Variants in CD47 observed in about 807,000 individuals in gnomAD.
CD47 encodes leukocyte surface antigen CD47.
Under a neutral mutation model 44.6 loss-of-function variants are expected in CD47, and 11 were observed. The ratio of observed to expected loss-of-function variants is 0.25; its 90% confidence interval spans 0.16 to 0.41. The LOEUF (loss-of-function observed/expected upper bound fraction) is 0.41, where lower values mean the gene tolerates loss of function less well. Among genes scored for constraint, CD47 ranks in the 10% least tolerant of loss-of-function variants. The probability of loss-of-function intolerance (pLI) is 1.00; values close to 1 mark genes in which losing one functional copy is unlikely to be tolerated. For synonymous variants in CD47, 140 were observed against 136.3 expected, an observed-to-expected ratio of 1.03 and a Z score of -0.19; for missense variants, 306 against 386.7, an observed-to-expected ratio of 0.79 and a Z score of 1.75.
At chr3:108,049,134 CTCT>C (rs2078778218) in intron 10 of CD47, among the ~76,000 whole-genome samples, 1 of 126,492 alleles carries the variant, frequency 7.9e-6, no homozygotes, top group Non-Finnish European at 1.7e-5. Context: ...CTCTCTCTCT[CTCT>C]CTCTCTCAAC....
chr3:108,048,385 T>G lies in CD47; in HGVS notation c.968-1093A>C, dbSNP rs1000705912. Among the ~76,000 whole-genome samples the G allele has an allele frequency of 3.3e-3, 454 of 139,616 alleles. 4 individuals are homozygous for G. The highest frequency in any genetic ancestry group is 9.1e-3 in the African/African-American group (336 of 37,032). The allele number at this position is 139,616 out of a possible 152,430, so 91.6% of individuals were successfully genotyped here. A position where few individuals can be genotyped will look rare whatever the true frequency, so the allele number is the denominator to read the frequency against. On this transcript the variant is annotated intron_variant, in intron 10 of 10. Coordinates refer to ENST00000361309, the MANE Select transcript of CD47 (RefSeq NM_001777.4). Reference sequence around the variant, plus strand: ...ATGACTGGAGTGTTTTTTTTTTTTTTTTTTTTTTTTTTTTCTTGAGACGGA... The same window carrying G: ...ATGACTGGAGTGTTTTTTTTTTTTTGTTTTTTTTTTTTTTCTTGAGACGGA...
At chr3:108,068,313 G>A (rs1202461215) in intron 3 of CD47, among the ~76,000 whole-genome samples, 4 of 152,064 alleles carry the variant, frequency 2.6e-5, no homozygotes, top group Admixed American at 6.6e-5. Flanking sequence ...ACATACATTC[G>A]TGTCTCCCTG....
In CD47 at chr3:108,047,201, AATC is replaced by A. The variant is rs1315017379; in HGVS notation, c.*84_*86del. 2.6e-4 allele frequency: 283 copies of A among 1,073,818 alleles called. No homozygotes were observed. The highest frequency in any genetic ancestry group is 1.4e-4 in the Non-Finnish European group (100 of 713,112). The allele number at this position is 1,073,818 out of a possible 1,614,324, so 66.5% of individuals were successfully genotyped here. A position where few individuals can be genotyped will look rare whatever the true frequency, so the allele number is the denominator to read the frequency against. ...TTCTTGTTTCTTCTCCCCAACAGTG[AATC>A]ATCAAGGCCATGGTGCTTAAACACA... is the stretch of plus-strand genomic sequence containing the variant. On this transcript the variant is annotated 3_prime_UTR_variant, in exon 11 of 11. Transcript: ENST00000361309.
intron 6 of CD47, among the ~76,000 whole-genome samples, chr3:108,058,030 T>A (rs536345621): frequency 1.3e-5 from 2 of 152,284 alleles, no homozygotes; most frequent in African/African-American, 4.8e-5. Flanking sequence ...TCTTATTTAT[T>A]GGTGGTGATA....
intron 1 of CD47, among the ~76,000 whole-genome samples, chr3:108,086,433 G>A (rs974218184): frequency 6.6e-6 from 1 of 152,006 alleles, no homozygotes. Flanking sequence ...GATAAAGAGG[G>A]GAAAATTAAA....
intron 2 of CD47, among the ~76,000 whole-genome samples, chr3:108,075,441 A>G (rs2079292659): frequency 6.6e-6 from 1 of 152,176 alleles, no homozygotes; most frequent in Admixed American, 6.5e-5. Context: ...AGGGAACACC[A>G]GGTTACACAC....
At chr3:108,053,651 C>T (rs1248755984) in intron 7 of CD47, 1 of 152,246 alleles carries the variant, frequency 6.6e-6, no homozygotes, top group Non-Finnish European at 1.5e-5. Flanking sequence ...GGAATGGATC[C>T]TTCCAATTCC....
chr3:108,074,316 T>A (rs1284424126), intron 2 of CD47, among the ~76,000 whole-genome samples: 1 of 149,318 alleles, frequency 6.7e-6, no homozygotes, highest in Non-Finnish European at 1.5e-5. Flanking sequence ...TAAGTGATTC[T>A]TTTTTTTTTA....
At chr3:108,075,864 G>C (rs2079301335) in intron 2 of CD47, among the ~76,000 whole-genome samples, 1 of 152,234 alleles carries the variant, frequency 6.6e-6, no homozygotes, top group Admixed American at 6.5e-5. Context: ...CTCAATATGT[G>C]AGAGGGATTC....
chr3:108,089,720 C>A (rs1465659491), intron 1 of CD47, among the ~76,000 whole-genome samples: 1 of 152,052 alleles, frequency 6.6e-6, no homozygotes, highest in African/African-American at 2.4e-5. Context: ...GACTTAAGGG[C>A]ATCTTGGAAA....
intron 3 of CD47, among the ~76,000 whole-genome samples, chr3:108,069,288 T>G (rs545753113): frequency 3.9e-5 from 6 of 152,198 alleles, no homozygotes; most frequent in African/African-American, 4.8e-5. Flanking sequence ...TTAAGTAAAT[T>G]ATAGTGCATC....
chr3:108,083,027 C>A (rs2108269540), intron 1 of CD47, among the ~76,000 whole-genome samples: 1 of 152,080 alleles, frequency 6.6e-6, no homozygotes, highest in Middle Eastern at 3.4e-3. Context: ...TTTGCCTACT[C>A]CCTTCTCATA....
At chr3:108,058,223 TAAA>T in intron 6 of CD47, 111 bp downstream of exon 6, 1 of 483,706 alleles carries the variant, frequency 2.1e-6, no homozygotes, top group Non-Finnish European at 3.4e-6. Flanking sequence ...AAAACTGCAC[TAAA>T]AAAAAAAATC....
rs1445729334 is a variant in CD47 at position 108,045,026 on chromosome 3, A to G, written c.*2262T>C. On this transcript the variant is annotated 3_prime_UTR_variant, in exon 11 of 11. Coordinates refer to ENST00000361309, the MANE Select transcript of CD47 (RefSeq NM_001777.4). ...AGAAGGAACTGGCCCAATGATGCCC[A>G]AGCAGGAGGACTCCTGCTTCTGTGG... is the stretch of plus-strand genomic sequence containing the variant. 1 of 152,644 alleles carries G rather than the reference A, an allele frequency of 6.6e-6. No homozygotes were observed. Among genetic ancestry groups the G allele is most frequent in the Admixed American group, 6.5e-5 (1 of 15,280 alleles). The allele number at this position is 152,644 out of a possible 1,614,324, so 9.5% of individuals were successfully genotyped here. A position where few individuals can be genotyped will look rare whatever the true frequency, so the allele number is the denominator to read the frequency against.
chr3:108,067,800 G>C (rs1211842758), intron 3 of CD47, among the ~76,000 whole-genome samples: 2 of 152,196 alleles, frequency 1.3e-5, no homozygotes, highest in Non-Finnish European at 2.9e-5. Context: ...AGTGCTGGCT[G>C]GGCTCTGGGA....
At chr3:108,068,509 A>G (rs2079142195) in intron 3 of CD47, among the ~76,000 whole-genome samples, 1 of 152,202 alleles carries the variant, frequency 6.6e-6, no homozygotes. Context: ...GTGCTTAGAT[A>G]TAGGTTCACC....
At chr3:108,079,522 GGGAGCATGGCTGGGAC>G in intron 2 of CD47, among the ~76,000 whole-genome samples, 1 of 146,636 alleles carries the variant, frequency 6.8e-6, no homozygotes, top group East Asian at 2.1e-4. Flanking sequence ...TCTCTCCAGA[GGGAGCATGGCTGGGAC>G]TTGTCATCCC....
intron 7 of CD47, chr3:108,052,895 G>C (rs2108224542): frequency 6.6e-6 from 1 of 152,612 alleles, no homozygotes; most frequent in East Asian, 1.9e-4. Flanking sequence ...CTCGTCCTGG[G>C]AGGCAGAGGC....
At chr3:108,047,437 G>C in intron 10 of CD47, 145 bp from the exon 11 acceptor site, 1 of 480,374 alleles carries the variant, frequency 2.1e-6, no homozygotes, top group South Asian at 5.0e-5. Context: ...CAGAAACCAG[G>C]CAAATCATTA....
Sources: allele counts gnomAD v4.1 joint callset (sites outside exome capture counted in the v4.1 genomes callset), GRCh38; gene constraint gnomAD v4.1.1; transcripts MANE v1.5; gene names NCBI Gene and HGNC (gene_info 2026-07-23, HGNC 2026-07-21).